The following NTN1 variants were observed in gnomAD, a reference collection of about 807,000 sequenced individuals.
NTN1 encodes netrin-1.
A neutral mutation model predicts 54.2 loss-of-function variants in NTN1; 11 were observed. That is an observed-to-expected ratio of 0.20 (90% CI 0.13 to 0.34). The LOEUF (loss-of-function observed/expected upper bound fraction) is 0.34, where lower values mean the gene tolerates loss of function less well. Among genes scored for constraint, NTN1 ranks in the 10% least tolerant of loss-of-function variants. NTN1 has a pLI of 1.00. For missense variants in NTN1, 740 were observed against 893.1 expected, an observed-to-expected ratio of 0.83 and a Z score of 2.18; for synonymous variants, 371 against 382.0, an observed-to-expected ratio of 0.97 and a Z score of 0.33.
rs1906214950 is a variant in NTN1, at chr17:9,241,548, C to CAGG, written c.*1582_*1584dup. On this transcript the variant is annotated 3_prime_UTR_variant, in exon 7 of 7. Coordinates refer to ENST00000173229, the MANE Select transcript of NTN1 (RefSeq NM_004822.3). ...TAAGAGGCCTGGCTCCCCTCACAGTCAGGAAATTGGTTTCACTTTCCCGGC... is the reference window on the plus strand; with the variant it reads ...TAAGAGGCCTGGCTCCCCTCACAGTCAGGAGGAAATTGGTTTCACTTTCCCGGC... 6.6e-6 allele frequency: 1 copy of CAGG among 152,434 alleles called. No individual in the cohort carries two copies. The highest frequency in any genetic ancestry group is 2.4e-5 in the African/African-American group (1 of 41,466). 9.4% of individuals were successfully genotyped at this position (152,434 alleles called of 1,614,324 possible). A position where few individuals can be genotyped will look rare whatever the true frequency, so the allele number is the denominator to read the frequency against.
chr17:9,239,842 C>T lies in NTN1; in HGVS notation c.1689C>T (p.Asp563=). Residue 563 remains aspartate (D), a synonymous_variant, in exon 7 of 7, where the codon GAC becomes GAT. Coordinates refer to ENST00000173229, the MANE Select transcript of NTN1 (RefSeq NM_004822.3). This position sits in a 1 kb window ranked among gnomAD's most constrained non-coding sequence, Gnocchi z 5.2. ...ACCTGCTGCTGGGCAACGCGGAGGA[C>T]TCTCCGGACCAGAGCGGCATCGTGG... ...KKYLLLGNAE[D]SPDQSGIVAD... is the part of the protein sequence containing the mutation. 6.2e-7 allele frequency: 1 copy of T among 1,613,180 alleles called. No homozygotes were observed. Among genetic ancestry groups the T allele is most frequent in the Non-Finnish European group, 8.5e-7 (1 of 1,179,924 alleles).
At chr17:9,180,743 G>C (rs1004300623) in intron 4 of NTN1, among the ~76,000 whole-genome samples, 5 of 152,178 alleles carry the variant, frequency 3.3e-5, no homozygotes, top group South Asian at 2.1e-4. Flanking sequence ...AAGGATGATA[G>C]CAACCCTGAG....
the NTN1 span, among the ~76,000 whole-genome samples, chr17:9,016,328 C>T: frequency 6.7e-6 from 1 of 149,886 alleles, no homozygotes; most frequent in African/African-American, 2.5e-5. Flanking sequence ...TAATCACCCT[C>T]CATTCTGCCT....
At chr17:9,128,591 A>AT (rs1235601828) in intron 2 of NTN1, among the ~76,000 whole-genome samples, 2 of 151,948 alleles carry the variant, frequency 1.3e-5, no homozygotes, top group Non-Finnish European at 2.9e-5. Context: ...TTTTGGACTC[A>AT]TTTTTTCTGT....
At chr17:9,157,667 A>G (rs759998760) in intron 2 of NTN1, among the ~76,000 whole-genome samples, 4 of 152,186 alleles carry the variant, frequency 2.6e-5, no homozygotes, top group Non-Finnish European at 5.9e-5. Flanking sequence ...ATGATAGCCA[A>G]AGAGGGGCAC....
rs929615348 is a variant in NTN1, at chr17:9,136,872, C to T, written c.1019-25941C>T. 2.6e-5 allele frequency among the ~76,000 whole-genome samples: 4 copies of T among 152,210 alleles called. No homozygotes were observed. In the East Asian group the frequency reaches 7.7e-4, roughly 29 times the overall value. On this transcript the variant is annotated intron_variant, in intron 2 of 6. Transcript: ENST00000173229. ...GAGCCTGTTCAGACCTTTCCTTCCT[C>T]ACTCCTGCCCAGCTCCTTCCTCGTG...
intron 2 of NTN1, among the ~76,000 whole-genome samples, chr17:9,063,296 T>C (rs2092004766): frequency 1.3e-5 from 2 of 152,092 alleles, no homozygotes; most frequent in South Asian, 4.2e-4. Context: ...CAGGGTTTCA[T>C]CATGTTGGCC....
At chr17:9,078,744 C>G (rs1205749740) in intron 2 of NTN1, among the ~76,000 whole-genome samples, 1 of 152,124 alleles carries the variant, frequency 6.6e-6, no homozygotes, top group Non-Finnish European at 1.5e-5. Flanking sequence ...TGGAATGTCC[C>G]CAAGGAAAAC....
chr17:9,202,924 T>A (rs955471634), intron 5 of NTN1, among the ~76,000 whole-genome samples: 16 of 152,122 alleles, frequency 1.1e-4, no homozygotes, highest in Non-Finnish European at 2.1e-4. Flanking sequence ...CTTATTTTTT[T>A]ATTTTTTATT....
chr17:9,128,792 C>T (rs562918632), intron 2 of NTN1, among the ~76,000 whole-genome samples: 1 of 152,284 alleles, frequency 6.6e-6, no homozygotes, highest in South Asian at 2.1e-4. Flanking sequence ...TCACCCAACC[C>T]GAGTGCAGAG....
intron 3 of NTN1, among the ~76,000 whole-genome samples, chr17:9,172,365 A>C (rs1040414432): frequency 1.3e-5 from 2 of 152,120 alleles, no homozygotes; most frequent in Admixed American, 6.5e-5. Context: ...CTGTAGTCCC[A>C]GCTACTCGGG....
upstream of NTN1, among the ~76,000 whole-genome samples, chr17:9,017,495 A>C (rs1347330614): frequency 6.6e-6 from 1 of 152,174 alleles, no homozygotes; most frequent in Non-Finnish European, 1.5e-5. Context: ...ATTGGTTTCT[A>C]TAACACCCGA....
Position 9,022,826 on chromosome 17 carries a change from C to G in NTN1, c.453C>G (p.Phe151Leu). 1 of 1,611,674 alleles carries G rather than the reference C, an allele frequency of 6.2e-7. No homozygotes were observed. Among genetic ancestry groups the G allele is most frequent in the South Asian group, 1.1e-5 (1 of 90,870 alleles). ...AAGTGACCTACGTGAGCCTGCAGTT[C>G]TGCTCGCCGCGGCCCGAGTCCATGG... ...KFEVTYVSLQ[F>L]CSPRPESMAI... Residue 151 changes from phenylalanine to leucine, a missense_variant, in exon 2 of 7, where the codon TTC (phenylalanine) becomes TTG (leucine). By Grantham distance (22) the Phe-to-Leu change is conservative. Coordinates refer to ENST00000173229, the MANE Select transcript of NTN1 (RefSeq NM_004822.3).
At chr17:9,083,229 G>C (rs533507292) in intron 2 of NTN1, among the ~76,000 whole-genome samples, 1 of 152,318 alleles carries the variant, frequency 6.6e-6, no homozygotes, top group Admixed American at 6.5e-5. Flanking sequence ...CTCCTGAGTA[G>C]CTGGGATTAC....
intron 5 of NTN1, among the ~76,000 whole-genome samples, chr17:9,204,526 C>T (rs2142340650): frequency 6.6e-6 from 1 of 152,324 alleles, no homozygotes; most frequent in Non-Finnish European, 1.5e-5. Context: ...AACTCCTGGC[C>T]TCATGTGATC....
At chr17:9,104,929 G>A (rs1312254085) in intron 2 of NTN1, among the ~76,000 whole-genome samples, 1 of 152,276 alleles carries the variant, frequency 6.6e-6, no homozygotes, top group Non-Finnish European at 1.5e-5. Context: ...CAACACTTAC[G>A]AGGTGTTCCT....
At chr17:9,230,321 G>GC (rs540379193) in intron 6 of NTN1, among the ~76,000 whole-genome samples, 1 of 152,230 alleles carries the variant, frequency 6.6e-6, no homozygotes, top group African/African-American at 2.4e-5. Context: ...TCCCGAGCTT[G>GC]CCCCCCTGTC....
intron 2 of NTN1, among the ~76,000 whole-genome samples, chr17:9,124,941 G>A (rs889979618): frequency 1.3e-5 from 2 of 152,206 alleles, no homozygotes; most frequent in Admixed American, 6.5e-5. Context: ...CGGCATGTGT[G>A]TGCATTTTAC....
At chr17:9,158,224 G>T (rs988080904) in intron 2 of NTN1, among the ~76,000 whole-genome samples, 7 of 152,138 alleles carry the variant, frequency 4.6e-5, no homozygotes, top group African/African-American at 1.7e-4. Flanking sequence ...GTGACCAGTT[G>T]TTTAGGAAGA....
Sources: gnomAD v4.1 joint callset for allele counts (sites outside exome capture counted in the v4.1 genomes callset) on GRCh38, gnomAD v4.1.1 for gene constraint, Gnocchi (gnomAD v3.1) non-coding constraint, MANE v1.5 for transcripts, NCBI Gene and HGNC (gene_info 2026-07-23, HGNC 2026-07-21) for gene names.